Variants in ARMC10 observed in about 807,000 individuals in gnomAD.
ARMC10 encodes armadillo repeat-containing protein 10.
ARMC10 carries 23 observed loss-of-function variants against 30.2 expected under a neutral mutation model. That is an observed-to-expected ratio of 0.76 (90% CI 0.55 to 1.08). The LOEUF (loss-of-function observed/expected upper bound fraction) is 1.08, where lower values mean the gene tolerates loss of function less well. ARMC10 is among the 50% of genes least tolerant of loss of function. The pLI is 0.00. For missense variants in ARMC10, 303 were observed against 413.7 expected, an observed-to-expected ratio of 0.73 and a Z score of 2.32; for synonymous variants, 111 against 164.4, an observed-to-expected ratio of 0.68 and a Z score of 2.48.
intron 2 of ARMC10, chr7:103,083,060 T>G (rs1800529645): frequency 4.4e-6 from 2 of 456,714 alleles, no homozygotes; most frequent in African/African-American, 2.0e-5. Context: ...ATTAATCTCT[T>G]TATAGGTAAG....
At chr7:103,084,184 G>A in intron 3 of ARMC10, 5 of 475,024 alleles carry the variant, frequency 1.1e-5, no homozygotes, top group Admixed American at 3.7e-5. Context: ...ATTGTATATC[G>A]GTCTTATGAA....
chr7:103,091,534 C>T (rs898744558), intron 4 of ARMC10, among the ~76,000 whole-genome samples: 4 of 151,826 alleles, frequency 2.6e-5, no homozygotes, highest in African/African-American at 4.9e-5. Flanking sequence ...AAATAAGAAC[C>T]TTAGGCCAAG....
At chr7:103,092,702 C>A in intron 5 of ARMC10, 49 bp downstream of exon 5, 1 of 1,348,474 alleles carries the variant, frequency 7.4e-7, no homozygotes, top group Non-Finnish European at 1.0e-6. Context: ...ATAGTATTTG[C>A]AGGCCACCTA....
chr7:103,092,426 TA>T, intron 4 of ARMC10, 50 bp from the exon 5 acceptor site: 1 of 1,440,402 alleles, frequency 6.9e-7, no homozygotes, highest in Non-Finnish European at 9.4e-7. Context: ...GGCTGTTCAG[TA>T]GAAAAATTTT....
chr7:103,087,868 AT>A, intron 4 of ARMC10: 2 of 764,442 alleles, frequency 2.6e-6, no homozygotes, highest in Non-Finnish European at 3.2e-6. Context: ...AGAATTACAG[AT>A]TACTATGCTA....
chr7:103,081,533 T>C (rs10808122), intron 2 of ARMC10, among the ~76,000 whole-genome samples: 133,358 of 152,202 alleles, frequency 0.88, 61,115 homozygotes, highest in East Asian at 1. Context: ...GCACCACGCC[T>C]GGCTAATTTT....
chr7:103,083,140 G>T, intron 2 of ARMC10: 1 of 456,686 alleles, frequency 2.2e-6, no homozygotes, highest in Non-Finnish European at 4.4e-6. Context: ...GAGGTATATA[G>T]TATTTGCATG....
chr7:103,082,936 T>G, intron 2 of ARMC10: 1 of 391,296 alleles, frequency 2.6e-6, no homozygotes, highest in South Asian at 1.9e-5. Flanking sequence ...TCATCATGCC[T>G]TGTATAAATC....
chr7:103,091,491 TATATATA>T (rs372213388), intron 4 of ARMC10, among the ~76,000 whole-genome samples: 131,861 of 143,708 alleles, frequency 0.92, 60,101 homozygotes, highest in East Asian at 1. Context: ...GGGTGAATTA[TATATATA>T]TATATATATA....
chr7:103,092,865 G>C (rs1801469885), intron 5 of ARMC10, among the ~76,000 whole-genome samples: 1 of 152,066 alleles, frequency 6.6e-6, no homozygotes, highest in African/African-American at 2.4e-5. Context: ...TGTTCATTTG[G>C]TTTTCTGAGA....
Position 103,075,440 on chromosome 7 carries a change from GC to G in ARMC10, c.139+30del, listed in dbSNP as rs768631257. ...GGACCCCGGGGTTTCCGGCAGGTGG[GC>G]GGGGACTGGGCAGGGGGGCTCCCCA... On this transcript the variant is annotated intron_variant, in intron 1 of 6. Transcript: ENST00000323716. 2.3e-6 allele frequency: 3 copies of G among 1,284,770 alleles called. No individual in the cohort carries two copies. The South Asian group carries it at 1.0e-4, about 45-fold the overall frequency. The allele number at this position is 1,284,770 out of a possible 1,614,324, so 79.6% of individuals were successfully genotyped here. A position where few individuals can be genotyped will look rare whatever the true frequency, so the allele number is the denominator to read the frequency against.
chr7:103,086,858 T>TAAAAA, intron 4 of ARMC10, 94 bp downstream of exon 4: 1 of 1,549,108 alleles, frequency 6.5e-7, no homozygotes, highest in Non-Finnish European at 8.7e-7. Context: ...CTATCCTTTG[T>TAAAAA]AATTTTACAG....
chr7:103,082,344 T>A (rs1800454634), intron 2 of ARMC10, among the ~76,000 whole-genome samples: 1 of 151,826 alleles, frequency 6.6e-6, no homozygotes, highest in Admixed American at 6.6e-5. Flanking sequence ...TGTGTGTGTG[T>A]GATTCTTCTT....
At chr7:103,078,019 G>A (rs1357921544) in intron 2 of ARMC10, among the ~76,000 whole-genome samples, 2 of 151,580 alleles carry the variant, frequency 1.3e-5, no homozygotes, top group Non-Finnish European at 2.9e-5. Context: ...TTTTTGAGAC[G>A]GAGTCGCACT....
intron 5 of ARMC10, chr7:103,096,933 C>A (rs904555755): frequency 3.6e-6 from 1 of 277,184 alleles, no homozygotes; most frequent in Non-Finnish European, 6.8e-6. Context: ...TTTAAATAAC[C>A]GTGTGATAGA....
At chr7:103,076,841 CA>C (rs546420154) in intron 2 of ARMC10, among the ~76,000 whole-genome samples, 55 of 29,000 alleles carry the variant, frequency 1.9e-3, no homozygotes, top group Non-Finnish European at 5.3e-3. Context: ...TCTCAAAAAA[CA>C]AAAAACAAAC....
In ARMC10 at chr7:103,092,506, C is replaced by T. The variant is rs1232747499; in HGVS notation, c.558C>T (p.Val186=). 1 of 1,592,686 alleles carries T rather than the reference C, an allele frequency of 6.3e-7. No homozygotes were observed. The highest frequency in any genetic ancestry group is 1.7e-5 in the Admixed American group (1 of 59,630). The change falls in exon 5 of 7, where the codon GTC becomes GTT. Residue 186 remains valine (V), a synonymous_variant. Coordinates refer to ENST00000323716, the MANE Select transcript of ARMC10 (RefSeq NM_031905.5). ...KIYISQVCED[V]FSGPLNSAVQ... Reference sequence around the variant, plus strand: ...ACATCAGTCAAGTATGTGAGGATGTCTTCTCTGGTCCTCTGAACTCTGCTG... The same window carrying T: ...ACATCAGTCAAGTATGTGAGGATGTTTTCTCTGGTCCTCTGAACTCTGCTG...
At chr7:103,089,315 C>A in intron 4 of ARMC10, 1 of 190,614 alleles carries the variant, frequency 5.2e-6, no homozygotes, top group Non-Finnish European at 1.2e-5. Context: ...ACAGCGTAAT[C>A]TGCTCCCAGA....
intron 4 of ARMC10, among the ~76,000 whole-genome samples, chr7:103,091,488 TTATA>T (rs71110812): frequency 0.34 from 9,836 of 28,938 alleles, 1,079 homozygotes; most frequent in African/African-American, 0.34. Context: ...AAGGGGTGAA[TTATA>T]TATATATATA....
Sources: gnomAD v4.1 joint callset for allele counts (sites outside exome capture counted in the v4.1 genomes callset) on GRCh38, gnomAD v4.1.1 for gene constraint, MANE v1.5 for transcripts, NCBI Gene and HGNC (gene_info 2026-07-23, HGNC 2026-07-21) for gene names.